The following FOXN2 variants were observed in gnomAD, a reference collection of about 807,000 sequenced individuals.
FOXN2 encodes the protein forkhead box N2, also known as forkhead box protein N2.
Under a neutral mutation model 41.2 loss-of-function variants are expected in FOXN2, and 19 were observed. The ratio of observed to expected loss-of-function variants is 0.46; its 90% confidence interval spans 0.32 to 0.68. FOXN2 has a LOEUF of 0.68. Among genes scored for constraint, FOXN2 ranks in the 30% least tolerant of loss-of-function variants. The pLI, the probability that FOXN2 is intolerant of heterozygous loss-of-function variation, is 0.03. For missense variants in FOXN2, 587 were observed against 509.4 expected (o/e 1.15, Z -1.47); for synonymous variants, 195 against 176.8 (o/e 1.10, Z -0.82).
intron 2 of FOXN2, among the ~76,000 whole-genome samples, chr2:48,343,783 C>T (rs1670920066): frequency 6.6e-6 from 1 of 150,836 alleles, no homozygotes; most frequent in Non-Finnish European, 1.5e-5. Flanking sequence ...AAGACTCTTG[C>T]CTCCTCATGG....
In FOXN2 at chr2:48,320,664, A is replaced by C. The variant is rs112796192; in HGVS notation, c.-157+5850A>C. On this transcript the variant is annotated intron_variant, in intron 1 of 6. Transcript: ENST00000340553. ...AGATAATGAGAAATTGTGTAAATGTAATACTGGGTATTTACCCAAATCTCT... is the reference window on the plus strand; with the variant it reads ...AGATAATGAGAAATTGTGTAAATGTCATACTGGGTATTTACCCAAATCTCT... 7.8e-4 allele frequency among the ~76,000 whole-genome samples: 118 copies of C among 152,208 alleles called. 1 individual carries two copies. Among genetic ancestry groups the C allele is most frequent in the Admixed American group, 1.1e-3 (17 of 15,284 alleles).
chr2:48,352,472 T>G (rs1671509749), intron 3 of FOXN2, among the ~76,000 whole-genome samples: 1 of 152,258 alleles, frequency 6.6e-6, no homozygotes. Flanking sequence ...ACTTTAGTGT[T>G]CACTATTTTG....
intron 3 of FOXN2, among the ~76,000 whole-genome samples, chr2:48,355,205 T>C (rs1671710448): frequency 6.6e-6 from 1 of 152,220 alleles, no homozygotes; most frequent in Non-Finnish European, 1.5e-5. Context: ...GTCACATCTA[T>C]AATTTTTAAA....
intron 6 of FOXN2, among the ~76,000 whole-genome samples, chr2:48,374,403 AGTAGGGAGTAAGTTTTGTCATACACT>A (rs1448990238): frequency 6.6e-6 from 1 of 152,210 alleles, no homozygotes; most frequent in Admixed American, 6.5e-5. Flanking sequence ...AATGGTGTTA[AGTAGGGAGTAAGTTTTGTCATACACT>A]GTTGGGAGTA....
Position 48,346,696 on chromosome 2 carries a change from G to C in FOXN2, c.482G>C (p.Arg161Pro). The change falls in exon 3 of 7, where the codon CGA becomes CCA. Residue 161 changes from arginine to proline, a missense_variant. Arg to Pro is a moderately radical substitution (Grantham distance 103, BLOSUM62 -2). Transcript: ENST00000340553. ...CCAACAGGCTGGAAGAATTCTGTTC[G>C]ACATAATCTGTCCCTGAATAAATGT... Reference protein sequence around the residue: ...TAPTGWKNSVRHNLSLNKCFQ... With the variant: ...TAPTGWKNSVPHNLSLNKCFQ... 1 of 1,610,560 alleles carries C rather than the reference G, an allele frequency of 6.2e-7. No homozygotes were observed. The highest frequency in any genetic ancestry group is 8.5e-7 in the Non-Finnish European group (1 of 1,178,950).
chr2:48,373,511 C>A, intron 6 of FOXN2, 151 bp downstream of exon 6: 2 of 514,836 alleles, frequency 3.9e-6, no homozygotes, highest in Non-Finnish European at 6.8e-6. Context: ...ATTATACTTT[C>A]ATTAATTTAT....
At position 48,377,029 on chromosome 2, in the gene FOXN2, T is replaced by G. The variant is rs1402784326; in HGVS notation, c.*1586T>G. 2 of 152,058 alleles carry G rather than the reference T, an allele frequency of 1.3e-5. No individual in the cohort carries two copies. The highest frequency in any genetic ancestry group is 4.8e-5 in the African/African-American group (2 of 41,464). 9.4% of individuals were successfully genotyped at this position (152,058 alleles called of 1,614,324 possible). A position where few individuals can be genotyped will look rare whatever the true frequency, so the allele number is the denominator to read the frequency against. ...AAACTGTCAAATGAGAAAAATGATT[T>G]TAAAAACTTTTTTTTCAATTGACAA... On this transcript the variant is annotated 3_prime_UTR_variant, in exon 7 of 7. Coordinates refer to ENST00000340553, the MANE Select transcript of FOXN2 (RefSeq NM_002158.4).
Position 48,376,561 on chromosome 2 carries a change from T to C in FOXN2, c.*1118T>C, listed in dbSNP as rs1440278863. On this transcript the variant is annotated 3_prime_UTR_variant, in exon 7 of 7. Coordinates refer to ENST00000340553, the MANE Select transcript of FOXN2 (RefSeq NM_002158.4). The stretch of plus-strand genomic sequence containing the variant: ...AAAATTCATATAAAATTTGATCTTA[T>C]GCAATACACCTTTTTGAGGAGGCAG... 2 of 152,530 alleles carry C rather than the reference T, an allele frequency of 1.3e-5. No homozygotes were observed. Among genetic ancestry groups the C allele is most frequent in the African/African-American group, 2.4e-5 (1 of 41,462 alleles). The allele number at this position is 152,530 out of a possible 1,614,324, so 9.4% of individuals were successfully genotyped here. A position where few individuals can be genotyped will look rare whatever the true frequency, so the allele number is the denominator to read the frequency against.
At chr2:48,344,297 G>C (rs111426362) in intron 2 of FOXN2, among the ~76,000 whole-genome samples, 78 of 152,160 alleles carry the variant, frequency 5.1e-4, no homozygotes, top group Non-Finnish European at 1.8e-4. Context: ...TTACAGTGTT[G>C]TGATGTTTCA....
At chr2:48,329,852 A>G (rs1455239563) in intron 2 of FOXN2, among the ~76,000 whole-genome samples, 4 of 151,820 alleles carry the variant, frequency 2.6e-5, no homozygotes, top group Non-Finnish European at 4.4e-5. Context: ...TTTTCCTTAC[A>G]TGAGGTTTAC....
At chr2:48,330,499 T>C (rs1669959279) in intron 2 of FOXN2, among the ~76,000 whole-genome samples, 1 of 152,214 alleles carries the variant, frequency 6.6e-6, no homozygotes, top group African/African-American at 2.4e-5. Flanking sequence ...ATTCAGTGAA[T>C]GACTACCTCT....
intron 3 of FOXN2, among the ~76,000 whole-genome samples, chr2:48,357,734 C>G (rs1302156302): frequency 6.6e-6 from 1 of 151,884 alleles, no homozygotes; most frequent in Non-Finnish European, 1.5e-5. Context: ...CCGCACCTGG[C>G]CTGGTGCTAA....
upstream of FOXN2, among the ~76,000 whole-genome samples, chr2:48,313,831 G>C (rs1364831234): frequency 1.3e-5 from 2 of 152,134 alleles, no homozygotes; most frequent in African/African-American, 4.8e-5. Flanking sequence ...CAAACAGGAA[G>C]TATAACCCAA....
At chr2:48,357,349 C>T (rs1318687914) in intron 3 of FOXN2, among the ~76,000 whole-genome samples, 1 of 152,088 alleles carries the variant, frequency 6.6e-6, no homozygotes, top group African/African-American at 2.4e-5. Flanking sequence ...TTTCTAGGAG[C>T]GTAATCTCAG....
chr2:48,326,328 AATGTG>A (rs1472048514), intron 1 of FOXN2, among the ~76,000 whole-genome samples: 1 of 149,112 alleles, frequency 6.7e-6, no homozygotes, highest in Non-Finnish European at 1.5e-5. Context: ...AGTGGCAAAA[AATGTG>A]ACCTGAAAGG....
At chr2:48,348,479 C>T (rs1671253657) in intron 3 of FOXN2, among the ~76,000 whole-genome samples, 1 of 152,102 alleles carries the variant, frequency 6.6e-6, no homozygotes, top group Non-Finnish European at 1.5e-5. Flanking sequence ...TCTGGTCCAT[C>T]TCTGGATCTG....
At position 48,344,802 on chromosome 2, in the gene FOXN2, C is replaced by G. The variant is rs181349841; in HGVS notation, c.-14-1399C>G. ...CGGTTTTCAGAATTCTTGAAGTAAC[C>G]TGCCATCTATGTCTTAAGCAAAACA... On this transcript the variant is annotated intron_variant, in intron 2 of 6. Coordinates refer to ENST00000340553, the MANE Select transcript of FOXN2 (RefSeq NM_002158.4). 2.4e-3 allele frequency among the ~76,000 whole-genome samples: 368 copies of G among 151,272 alleles called. 3 individuals are homozygous for G. Among genetic ancestry groups the G allele is most frequent in the South Asian group, 6.9e-3 (33 of 4,782 alleles).
chr2:48,339,045 G>C (rs1670560670), intron 2 of FOXN2, among the ~76,000 whole-genome samples: 1 of 151,948 alleles, frequency 6.6e-6, no homozygotes, highest in Non-Finnish European at 1.5e-5. Context: ...CTTTATGGAA[G>C]AATAAATCCA....
intron 2 of FOXN2, among the ~76,000 whole-genome samples, chr2:48,340,460 A>G (rs911851019): frequency 6.6e-6 from 1 of 152,176 alleles, no homozygotes; most frequent in African/African-American, 2.4e-5. Flanking sequence ...TGAACGTAAT[A>G]TGCAGATGTG....
Sources: allele counts gnomAD v4.1 joint callset (sites outside exome capture counted in the v4.1 genomes callset), GRCh38; gene constraint gnomAD v4.1.1; transcripts MANE v1.5; gene names NCBI Gene and HGNC (gene_info 2026-07-23, HGNC 2026-07-21).